Variants in MAPRE3 observed in about 807,000 individuals in gnomAD.
The protein encoded by MAPRE3 is microtubule associated protein RP/EB family member 3, also known as microtubule-associated protein RP/EB family member 3.
In MAPRE3, 2 loss-of-function variants were observed where a neutral mutation model predicts 30.5. The ratio of observed to expected loss-of-function variants is 0.07; its 90% CI spans 0.03 to 0.21. MAPRE3 has a LOEUF of 0.21. Among genes scored for constraint, MAPRE3 ranks in the 10% least tolerant of loss-of-function variants. The probability of loss-of-function intolerance (pLI) is 1.00; values close to 1 mark genes in which losing one functional copy is unlikely to be tolerated. For missense variants in MAPRE3, 204 were observed against 351.8 expected (o/e 0.58, Z 3.36); for synonymous variants, 110 against 127.7 (o/e 0.86, Z 0.93).
At chr2:26,982,011 G>A (rs546015940) in intron 1 of MAPRE3, among the ~76,000 whole-genome samples, 13 of 152,294 alleles carry the variant, frequency 8.5e-5, no homozygotes, top group African/African-American at 3.1e-4. Context: ...TGTGAGTGGA[G>A]CTTGGGTTCT....
intron 1 of MAPRE3, among the ~76,000 whole-genome samples, chr2:26,997,227 C>T (rs1023603568): frequency 6.6e-6 from 1 of 152,166 alleles, no homozygotes; most frequent in African/African-American, 2.4e-5. Context: ...GAAATTTCCA[C>T]CTCAGATCAT....
chr2:26,990,868 C>A (rs1224167594), intron 1 of MAPRE3, among the ~76,000 whole-genome samples: 1 of 152,228 alleles, frequency 6.6e-6, no homozygotes, highest in Non-Finnish European at 1.5e-5. Flanking sequence ...CAGCTGTGAG[C>A]TCCTGAATGG....
At chr2:26,994,165 T>G (rs1382293499) in intron 1 of MAPRE3, among the ~76,000 whole-genome samples, 1 of 152,230 alleles carries the variant, frequency 6.6e-6, no homozygotes, top group Non-Finnish European at 1.5e-5. Flanking sequence ...TCAGGTATTT[T>G]GATCTGATAA....
At chr2:26,995,771 T>C (rs989636905) in intron 1 of MAPRE3, among the ~76,000 whole-genome samples, 2 of 82,710 alleles carry the variant, frequency 2.4e-5, no homozygotes, top group African/African-American at 4.2e-5. Flanking sequence ...TGAGGGTCTT[T>C]CTAAGAGAGG....
chr2:26,995,833 G>GTGTGTGTGTGTGTGTA, intron 1 of MAPRE3, among the ~76,000 whole-genome samples: 1 of 149,634 alleles, frequency 6.7e-6, no homozygotes, highest in African/African-American at 2.5e-5. Flanking sequence ...GTGTGTGTAT[G>GTGTGTGTGTGTGTGTA]TGTGTGTGTT....
rs192274027 is a variant in MAPRE3 at position 27,020,089 on chromosome 2, T to A, written c.-7-2123T>A. On this transcript the variant is annotated intron_variant, in intron 1 of 6. Coordinates refer to ENST00000233121, the MANE Select transcript of MAPRE3 (RefSeq NM_012326.4). Reference sequence around the variant, plus strand: ...CCACTGCGCAGGTCTGGGGCCACAATTGAGAACCATGGAACAGAGAATGAA... The same window carrying A: ...CCACTGCGCAGGTCTGGGGCCACAAATGAGAACCATGGAACAGAGAATGAA... 3.0e-3 allele frequency among the ~76,000 whole-genome samples: 451 copies of A among 152,206 alleles called. 5 individuals carry two copies. The highest frequency in any genetic ancestry group is 8.5e-3 in the South Asian group (41 of 4,812).
intron 2 of MAPRE3, 88 bp from the exon 3 acceptor site, chr2:27,023,239 GAGAGA>G (rs748209469): frequency 3.2e-4 from 444 of 1,386,834 alleles, no homozygotes; most frequent in Middle Eastern, 7.4e-4. Flanking sequence ...AGAACAAGGA[GAGAGA>G]AGAGGAGACG....
intron 1 of MAPRE3, among the ~76,000 whole-genome samples, chr2:27,005,361 G>A (rs938712436): frequency 3.9e-5 from 6 of 152,158 alleles, no homozygotes; most frequent in Non-Finnish European, 7.3e-5. Context: ...AAGTGAGCTC[G>A]TGGTCTTCAC....
intron 4 of MAPRE3, 32 bp downstream of exon 4, chr2:27,024,329 G>T: frequency 6.2e-7 from 1 of 1,601,398 alleles, no homozygotes; most frequent in South Asian, 1.1e-5. Flanking sequence ...AGGGAGCGTG[G>T]GGGGCCGGGC....
intron 3 of MAPRE3, chr2:27,023,863 C>T (rs1322206931): frequency 3.7e-6 from 2 of 537,944 alleles, no homozygotes; most frequent in Non-Finnish European, 6.7e-6. Flanking sequence ...AGGGACGCCT[C>T]CCCACACAGT....
chr2:26,974,538 G>C (rs1433404754), intron 1 of MAPRE3, among the ~76,000 whole-genome samples: 18 of 152,156 alleles, frequency 1.2e-4, no homozygotes, highest in Admixed American at 1.2e-3. Flanking sequence ...GTGCACATTG[G>C]GCAGCTGCGG....
intron 1 of MAPRE3, among the ~76,000 whole-genome samples, chr2:26,973,969 C>G (rs1454486166): frequency 6.6e-6 from 1 of 152,196 alleles, no homozygotes; most frequent in African/African-American, 2.4e-5. Context: ...CTGGAGGTGA[C>G]CCCAGATGGT....
At chr2:27,019,199 A>T (rs914143952) in intron 1 of MAPRE3, among the ~76,000 whole-genome samples, 1 of 151,932 alleles carries the variant, frequency 6.6e-6, no homozygotes, top group Non-Finnish European at 1.5e-5. Context: ...CCGCTCTCAC[A>T]CACATGATTT....
At chr2:26,989,437 G>A (rs1401710917) in intron 1 of MAPRE3, among the ~76,000 whole-genome samples, 1 of 152,172 alleles carries the variant, frequency 6.6e-6, no homozygotes, top group Non-Finnish European at 1.5e-5. Flanking sequence ...CTGAATGAAA[G>A]GCAGGCTTGA....
chr2:27,007,916 A>G lies in MAPRE3; in HGVS notation c.-7-14296A>G, dbSNP rs145404559. Among the ~76,000 whole-genome samples, 93 of 152,338 alleles carry G rather than the reference A, an allele frequency of 6.1e-4. No homozygotes were observed. In the East Asian group the frequency reaches 0.012, roughly 19 times the overall value. Reference sequence around the variant, plus strand: ...ACCTCAAGGTCCTGAGCAGATGTCTATCCCCACCTATTGAGTTTTTTGACT... The same window carrying G: ...ACCTCAAGGTCCTGAGCAGATGTCTGTCCCCACCTATTGAGTTTTTTGACT... On this transcript the variant is annotated intron_variant, in intron 1 of 6. Transcript: ENST00000233121.
chr2:27,014,639 A>G (rs957055472), intron 1 of MAPRE3: 3 of 152,314 alleles, frequency 2.0e-5, no homozygotes, highest in African/African-American at 7.2e-5. Flanking sequence ...GAGCCTCTCA[A>G]TGAATCAGGT....
intron 1 of MAPRE3, among the ~76,000 whole-genome samples, chr2:27,016,486 G>T (rs956661008): frequency 2.7e-5 from 4 of 149,096 alleles, no homozygotes; most frequent in Admixed American, 1.4e-4. Flanking sequence ...CCGGGTTCAC[G>T]CCATTCTCCT....
At chr2:26,996,908 C>G (rs939727036) in intron 1 of MAPRE3, 8 of 152,166 alleles carry the variant, frequency 5.3e-5, no homozygotes, top group African/African-American at 1.4e-4. Context: ...ACGGCTCTCA[C>G]TTTCCAGGGG....
chr2:27,019,882 C>T (rs184552580), intron 1 of MAPRE3, among the ~76,000 whole-genome samples: 19 of 152,264 alleles, frequency 1.2e-4, no homozygotes, highest in Non-Finnish European at 2.2e-4. Context: ...GGGGTGGGAA[C>T]GTAAGTGGCA....
Sources: allele counts gnomAD v4.1 joint callset (sites outside exome capture counted in the v4.1 genomes callset), GRCh38; gene constraint gnomAD v4.1.1; transcripts MANE v1.5; gene names NCBI Gene and HGNC (gene_info 2026-07-23, HGNC 2026-07-21).